The following ZFHX3 variants were observed in gnomAD, a reference collection of about 807,000 sequenced individuals.
The protein encoded by ZFHX3 is zinc finger homeobox protein 3.
Under a neutral mutation model 279.1 loss-of-function variants are expected in ZFHX3, and 42 were observed. The observed-to-expected ratio is 0.15, with a 90% CI of 0.12 to 0.19. The LOEUF (loss-of-function observed/expected upper bound fraction) is 0.19, where lower values mean the gene tolerates loss of function less well. ZFHX3 is among the 10% of genes least tolerant of loss of function. The pLI is 1.00. For synonymous variants in ZFHX3, 2,293 were observed against 1,957.8 expected (o/e 1.17, Z -4.52); for missense variants, 4,981 against 4,754.0 (o/e 1.05, Z -1.40).
chr16:73,514,908 T>C (rs1246881998), intron 2 of ZFHX3, among the ~76,000 whole-genome samples: 2 of 152,124 alleles, frequency 1.3e-5, no homozygotes, highest in East Asian at 3.9e-4. Flanking sequence ...TCCCATCTTT[T>C]CCTCTCTCTC....
At chr16:73,760,139 A>G (rs1253904056) in intron 1 of ZFHX3, among the ~76,000 whole-genome samples, 2 of 152,296 alleles carry the variant, frequency 1.3e-5, no homozygotes, top group East Asian at 1.9e-4. Flanking sequence ...CAGAAATACC[A>G]TCAGAGAATA....
rs1033370937 is a variant in ZFHX3 at position 72,795,167 on chromosome 16, G to T, written c.7515C>A (p.Ser2505=). 31 of 1,610,830 alleles carry T rather than the reference G, an allele frequency of 1.9e-5. No homozygotes were observed. The highest frequency in any genetic ancestry group is 2.5e-5 in the Non-Finnish European group (30 of 1,178,196). Residue 2505 remains serine, a synonymous_variant, in exon 9 of 10, where the codon TCC becomes TCA. Coordinates refer to ENST00000268489, the MANE Select transcript of ZFHX3 (RefSeq NM_006885.4). ...PQSSPSPSQL[S]HLPLKPLHTS... ...TGTGGAGGGGCTTGAGGGGCAGGTG[G>T]GAGAGCTGGGAAGGACTGGGGCTCG...
intron 8 of ZFHX3, among the ~76,000 whole-genome samples, chr16:73,085,278 T>G (rs1439382647): frequency 1.3e-5 from 2 of 152,188 alleles, no homozygotes; most frequent in East Asian, 1.9e-4. Flanking sequence ...ATTGTTTTTT[T>G]GAGATGGAGT....
intron 1 of ZFHX3, among the ~76,000 whole-genome samples, chr16:73,887,639 G>C (rs539922612): frequency 6.6e-6 from 1 of 151,250 alleles, no homozygotes; most frequent in South Asian, 2.1e-4. Context: ...TTGGGGCCAG[G>C]AAGAAACCAA....
chr16:73,501,986 C>T (rs1244348647), intron 2 of ZFHX3, among the ~76,000 whole-genome samples: 1 of 151,714 alleles, frequency 6.6e-6, no homozygotes, highest in Non-Finnish European at 1.5e-5. Flanking sequence ...TATTTGTTTA[C>T]TTTGATAATC....
intron 2 of ZFHX3, among the ~76,000 whole-genome samples, chr16:73,662,879 G>C (rs112550481): frequency 1.3e-5 from 2 of 152,116 alleles, no homozygotes; most frequent in African/African-American, 4.8e-5. Context: ...GGGTGAGGAG[G>C]CAGAGGCCAA....
At chr16:73,533,217 C>T (rs572936929) in intron 2 of ZFHX3, among the ~76,000 whole-genome samples, 8 of 151,840 alleles carry the variant, frequency 5.3e-5, no homozygotes, top group East Asian at 3.9e-4. Context: ...TCACTTTTTG[C>T]GGAGGGCTTG....
chr16:73,203,798 T>C (rs555072591), intron 5 of ZFHX3, among the ~76,000 whole-genome samples: 1 of 152,322 alleles, frequency 6.6e-6, no homozygotes, highest in South Asian at 2.1e-4. Flanking sequence ...AATTTACAAA[T>C]GCTCAGTGGT....
chr16:73,737,904 G>A (rs1040088044), intron 1 of ZFHX3, among the ~76,000 whole-genome samples: 2 of 152,186 alleles, frequency 1.3e-5, no homozygotes, highest in South Asian at 2.1e-4. Flanking sequence ...CTGTCAACAA[G>A]TTGAATATAT....
In ZFHX3 at chr16:72,786,416, T is replaced by TTA. The variant is rs1555514756; in HGVS notation, c.*747_*748insTA. The TTA allele has an allele frequency of 5.1e-5, 5 of 98,686 alleles. No homozygotes were observed. The East Asian group carries it at 1.2e-3, about 24-fold the overall frequency. 6.1% of individuals were successfully genotyped at this position (98,686 alleles called of 1,614,324 possible). On this transcript the variant is annotated 3_prime_UTR_variant, in exon 10 of 10. Coordinates refer to ENST00000268489, the MANE Select transcript of ZFHX3 (RefSeq NM_006885.4). ...CACTCTTTGTGTGTGTGGGTTATTA[T>TTA]TTTTTTTTTTTTTTGAAAGTGGGAG...
chr16:73,360,253 CTAATT>C (rs2016413649), intron 3 of ZFHX3, among the ~76,000 whole-genome samples: 1 of 152,200 alleles, frequency 6.6e-6, no homozygotes, highest in East Asian at 1.9e-4. Flanking sequence ...TGCGTATAGA[CTAATT>C]TAATTATCAC....
At position 72,957,502 on chromosome 16, in the gene ZFHX3, A is replaced by G. The variant is rs2144432474; in HGVS notation, c.2644T>C (p.Ser882Pro). ...CCGCTCATCATGAACTGGGCGTCCGAGGCAGCACTGTCCATCTTCAGGTTG... is the reference window on the plus strand; with the variant it reads ...CCGCTCATCATGAACTGGGCGTCCGGGGCAGCACTGTCCATCTTCAGGTTG... ...LPNLKMDSAASDAQFMMSGFQ... is the reference protein window; with the variant it reads ...LPNLKMDSAAPDAQFMMSGFQ... The change falls in exon 2 of 10, where the codon TCG becomes CCG. Residue 882 changes from serine (S) to proline (P), a missense_variant. This residue lies in a region of ZFHX3 where 1,751 missense variants were observed against 1,770.0 expected (regional missense o/e 0.99). Coordinates refer to ENST00000268489, the MANE Select transcript of ZFHX3 (RefSeq NM_006885.4). 3 of 1,614,148 alleles carry G rather than the reference A, an allele frequency of 1.9e-6. No individual in the cohort carries two copies. The highest frequency in any genetic ancestry group is 2.5e-6 in the Non-Finnish European group (3 of 1,180,036).
intron 1 of ZFHX3, among the ~76,000 whole-genome samples, chr16:73,889,181 T>C (rs893760832): frequency 6.6e-6 from 1 of 152,126 alleles, no homozygotes; most frequent in Non-Finnish European, 1.5e-5. Context: ...AAGCCGGTCT[T>C]AGAAGAGGCC....
intron 5 of ZFHX3, among the ~76,000 whole-genome samples, chr16:73,254,927 C>T (rs535051726): frequency 6.6e-6 from 1 of 151,954 alleles, no homozygotes; most frequent in African/African-American, 2.4e-5. Context: ...CATCCACCCA[C>T]CCACCATCCA....
At chr16:73,064,021 C>G (rs1965716990), upstream of ZFHX3, among the ~76,000 whole-genome samples, 1 of 152,110 alleles carries the variant, frequency 6.6e-6, no homozygotes, top group Non-Finnish European at 1.5e-5. Context: ...ACAAAAGGCG[C>G]TTTAATTGAG....
chr16:73,397,474 T>A (rs751758035), intron 3 of ZFHX3, among the ~76,000 whole-genome samples: 5 of 151,966 alleles, frequency 3.3e-5, no homozygotes, highest in Non-Finnish European at 5.9e-5. Flanking sequence ...GGCATGGGTG[T>A]GTAGAGAGAG....
At chr16:73,163,198 G>T (rs886493454) in intron 5 of ZFHX3, among the ~76,000 whole-genome samples, 1 of 152,154 alleles carries the variant, frequency 6.6e-6, no homozygotes. Context: ...TGTCCCATGA[G>T]ACAGCTTAAT....
chr16:73,669,357 C>T (rs1198848544), intron 2 of ZFHX3, among the ~76,000 whole-genome samples: 2 of 152,104 alleles, frequency 1.3e-5, no homozygotes, highest in African/African-American at 2.4e-5. Context: ...CCCAGCTGAT[C>T]TTTGTATTTT....
intron 3 of ZFHX3, 51 bp downstream of exon 3, chr16:72,950,418 A>G (rs1235562015): frequency 6.3e-7 from 1 of 1,588,070 alleles, no homozygotes; most frequent in Non-Finnish European, 8.6e-7. Flanking sequence ...CCCGGTGCGC[A>G]ACCCCCTCCT....
Sources: gnomAD v4.1 joint callset for allele counts (sites outside exome capture counted in the v4.1 genomes callset) on GRCh38, gnomAD v4.1.1 for gene constraint, gnomAD v4.1.1 regional missense constraint, MANE v1.5 for transcripts, NCBI Gene and HGNC (gene_info 2026-07-23, HGNC 2026-07-21) for gene names.